AP2S1: variants seen among roughly 807,000 people sequenced by gnomAD.
AP2S1 encodes the protein AP-2 complex subunit sigma.
A neutral mutation model predicts 21.0 loss-of-function variants in AP2S1; 6 were observed. That is an observed-to-expected ratio of 0.29 (90% CI 0.16 to 0.56). AP2S1 has a LOEUF of 0.56. AP2S1 is among the 20% of genes least tolerant of loss of function. The probability of loss-of-function intolerance (pLI) is 0.92; values close to 1 mark genes in which losing one functional copy is unlikely to be tolerated. For synonymous variants in AP2S1, 63 were observed against 74.6 expected (o/e 0.84, Z 0.80); for missense variants, 60 against 186.2 (o/e 0.32, Z 3.95).
At chr19:46,845,415 AATTAATT>A (rs2055613620) in intron 2 of AP2S1, among the ~76,000 whole-genome samples, 1 of 24,102 alleles carries the variant, frequency 4.1e-5, no homozygotes, top group Admixed American at 2.9e-4. Flanking sequence ...CAAAAAAAGT[AATTAATT>A]AATTAATTAA....
chr19:46,839,727 CGAGACAG>C, intron 2 of AP2S1, 149 bp from the exon 3 acceptor site: 1 of 1,337,014 alleles, frequency 7.5e-7, no homozygotes, highest in Non-Finnish European at 1.0e-6. Flanking sequence ...CAGCAGTGAC[CGAGACAG>C]CCCTAACCCT....
At chr19:46,841,524 T>C (rs2055520478) in intron 2 of AP2S1, among the ~76,000 whole-genome samples, 2 of 152,174 alleles carry the variant, frequency 1.3e-5, no homozygotes, top group Admixed American at 1.3e-4. Flanking sequence ...GTGTCCCCTC[T>C]GAACATCCCA....
At chr19:46,843,332 C>T (rs756833518) in intron 2 of AP2S1, among the ~76,000 whole-genome samples, 14 of 152,194 alleles carry the variant, frequency 9.2e-5, no homozygotes, top group African/African-American at 3.4e-4. Flanking sequence ...TGCCCTATAG[C>T]GCAGCCTCAA....
chr19:46,839,947 T>G (rs2055488850), intron 2 of AP2S1, among the ~76,000 whole-genome samples: 2 of 152,082 alleles, frequency 1.3e-5, no homozygotes, highest in African/African-American at 4.8e-5. Flanking sequence ...GCCTGACGTG[T>G]TCAATAGTGT....
intron 1 of AP2S1, among the ~76,000 whole-genome samples, chr19:46,848,769 A>T (rs1368256646): frequency 6.6e-6 from 1 of 152,070 alleles, no homozygotes; most frequent in African/African-American, 2.4e-5. Context: ...GCTGGAGTGC[A>T]GTGGCACTGT....
chr19:46,850,403 C>G, intron 1 of AP2S1: 1 of 1,170,658 alleles, frequency 8.5e-7, no homozygotes, highest in Non-Finnish European at 1.1e-6. Flanking sequence ...GAGCGCCTTC[C>G]TCTTTCGGAC....
chr19:46,838,369 G>A lies in AP2S1; in HGVS notation c.*78C>T. On this transcript the variant is annotated 3_prime_UTR_variant, in exon 5 of 5. Coordinates refer to ENST00000263270, the MANE Select transcript of AP2S1 (RefSeq NM_004069.6). This position sits in a 1 kb window ranked among gnomAD's most constrained non-coding sequence, Gnocchi z 4.1. ...AGGCAGCTGAGGGAAGGACTGCTGGGTTGGCCACGGGCCTGGGAAGGGGAA... is the reference window on the plus strand; with the variant it reads ...AGGCAGCTGAGGGAAGGACTGCTGGATTGGCCACGGGCCTGGGAAGGGGAA... 7.0e-7 allele frequency: 1 copy of A among 1,431,826 alleles called. No individual in the cohort carries two copies. Among genetic ancestry groups the A allele is most frequent in the Non-Finnish European group, 9.8e-7 (1 of 1,022,258 alleles). 88.7% of individuals were successfully genotyped at this position (1,431,826 alleles called of 1,614,324 possible). A position where few individuals can be genotyped will look rare whatever the true frequency, so the allele number is the denominator to read the frequency against.
At chr19:46,849,351 C>T (rs2055693315) in intron 1 of AP2S1, among the ~76,000 whole-genome samples, 1 of 151,196 alleles carries the variant, frequency 6.6e-6, no homozygotes, top group South Asian at 2.1e-4. Flanking sequence ...TATCCTCCCT[C>T]CCCCAACCAA....
chr19:46,842,196 TAAC>T (rs1333267245), intron 2 of AP2S1, among the ~76,000 whole-genome samples: 9 of 151,810 alleles, frequency 5.9e-5, no homozygotes, highest in African/African-American at 9.7e-5. Flanking sequence ...ATAATAATAA[TAAC>T]AAGAGGGATA....
chr19:46,848,782 C>T (rs1279380821), intron 1 of AP2S1, among the ~76,000 whole-genome samples: 1 of 152,130 alleles, frequency 6.6e-6, no homozygotes, highest in East Asian at 1.9e-4. Context: ...GGCACTGTCT[C>T]GGTTCACTGC....
intron 2 of AP2S1, 155 bp from the exon 3 acceptor site, chr19:46,839,733 A>G (rs2055483772): frequency 7.7e-7 from 1 of 1,305,286 alleles, no homozygotes; most frequent in African/African-American, 1.5e-5. Flanking sequence ...TGACCGAGAC[A>G]GCCCTAACCC....
intron 2 of AP2S1, among the ~76,000 whole-genome samples, chr19:46,845,044 G>A (rs2055601999): frequency 6.9e-6 from 1 of 144,196 alleles, no homozygotes; most frequent in Non-Finnish European, 1.5e-5. Context: ...GTTGCAGTGA[G>A]CCAAGATTGC....
intron 2 of AP2S1, among the ~76,000 whole-genome samples, chr19:46,845,266 T>C (rs570819022): frequency 1.1e-4 from 16 of 150,772 alleles, no homozygotes; most frequent in African/African-American, 3.9e-4. Flanking sequence ...ATTAGCCTGG[T>C]GTTGTGGTGC....
In AP2S1 at chr19:46,838,197, TC is replaced by T. The variant is rs2055444446; in HGVS notation, c.*249del. The T allele has an allele frequency of 3.7e-6, 2 of 545,362 alleles. No homozygotes were observed. Among genetic ancestry groups the T allele is most frequent in the African/African-American group, 3.8e-5 (2 of 52,614 alleles). The allele number at this position is 545,362 out of a possible 1,614,324, so 33.8% of individuals were successfully genotyped here. On this transcript the variant is annotated 3_prime_UTR_variant, in exon 5 of 5. Coordinates refer to ENST00000263270, the MANE Select transcript of AP2S1 (RefSeq NM_004069.6). The surrounding 1 kb of genome is among the most constrained non-coding windows in gnomAD (Gnocchi z 4.1). ...GCAGGACCACAGGTTTATTGGGGAC[TC>T]CACGCACAGACGCTTATGGCATCAC... is the stretch of plus-strand genomic sequence containing the variant.
intron 3 of AP2S1, 26 bp downstream of exon 3, chr19:46,839,439 C>CCCCAACAAA: frequency 6.4e-7 from 1 of 1,569,710 alleles, no homozygotes; most frequent in Non-Finnish European, 8.7e-7. Context: ...CCCGCCTCCC[C>CCCCAACAAA]ACCTTACATC....
At chr19:46,846,330 G>A (rs1318460522) in intron 1 of AP2S1, among the ~76,000 whole-genome samples, 188 bp from the exon 2 acceptor site, 1 of 151,744 alleles carries the variant, frequency 6.6e-6, no homozygotes, top group African/African-American at 2.4e-5. Context: ...GCTTCATCCC[G>A]GGTCCCTCCA....
At chr19:46,843,323 G>GC (rs1339836021) in intron 2 of AP2S1, among the ~76,000 whole-genome samples, 1 of 152,144 alleles carries the variant, frequency 6.6e-6, no homozygotes, top group Non-Finnish European at 1.5e-5. Context: ...CTATGCTCTT[G>GC]CCCTATAGCG....
Position 46,838,662 on chromosome 19 carries a change from C to T in AP2S1, c.327+78G>A, listed in dbSNP as rs929876827. 3 of 1,574,244 alleles carry T rather than the reference C, an allele frequency of 1.9e-6. No homozygotes were observed. The highest frequency in any genetic ancestry group is 1.7e-6 in the Non-Finnish European group (2 of 1,145,428). On this transcript the variant is annotated intron_variant, in intron 4 of 4. Transcript: ENST00000263270. The surrounding 1 kb of genome is among the most constrained non-coding windows in gnomAD (Gnocchi z 4.1). The stretch of plus-strand genomic sequence containing the variant: ...TGGGACACAGACCTCAGCAGAGGCT[C>T]CGGGTGGCTAGTGCACCACGGGTCC...
In AP2S1 at chr19:46,838,343, T is replaced by A; in HGVS notation, c.*104A>T. On this transcript the variant is annotated 3_prime_UTR_variant, in exon 5 of 5. Transcript: ENST00000263270. The surrounding 1 kb of genome is among the most constrained non-coding windows in gnomAD (Gnocchi z 4.1). ...CAGACCCAGCTGGGTCCCTTCCTCC[T>A]AGGCAGCTGAGGGAAGGACTGCTGG... 1 of 1,126,170 alleles carries A rather than the reference T, an allele frequency of 8.9e-7. No homozygotes were observed. Among genetic ancestry groups the A allele is most frequent in the South Asian group, 1.3e-5 (1 of 75,382 alleles). 69.8% of individuals were successfully genotyped at this position (1,126,170 alleles called of 1,614,324 possible). A position where few individuals can be genotyped will look rare whatever the true frequency, so the allele number is the denominator to read the frequency against.
Sources: allele counts gnomAD v4.1 joint callset (sites outside exome capture counted in the v4.1 genomes callset), GRCh38; gene constraint gnomAD v4.1.1; non-coding constraint Gnocchi (gnomAD v3.1); transcripts MANE v1.5; gene names NCBI Gene and HGNC (gene_info 2026-07-23, HGNC 2026-07-21).